The following TAF2 variants were observed in gnomAD, a reference collection of about 807,000 sequenced individuals.
TAF2 encodes the protein transcription initiation factor TFIID subunit 2.
Under a neutral mutation model 138.5 loss-of-function variants are expected in TAF2, and 61 were observed. That is an observed-to-expected ratio of 0.44 (90% CI 0.36 to 0.54). The LOEUF (loss-of-function observed/expected upper bound fraction) is 0.54, where lower values mean the gene tolerates loss of function less well. Among genes scored for constraint, TAF2 ranks in the 20% least tolerant of loss-of-function variants. TAF2 has a pLI of 0.00. For synonymous variants in TAF2, 475 were observed against 469.9 expected (o/e 1.01, Z -0.14); for missense variants, 1,090 against 1,427.9 (o/e 0.76, Z 3.81).
chr8:119,772,938 A>AAAT lies in TAF2; in HGVS notation c.2364+5078_2364+5080dup, dbSNP rs921233589. ...GTTAACAAGAGACAGACTCCATCTC[A>AAAT]AATAATAATAATAATAATAATAACA... On this transcript the variant is annotated intron_variant, in intron 18 of 25. Coordinates refer to ENST00000378164, the MANE Select transcript of TAF2 (RefSeq NM_003184.4). Among the ~76,000 whole-genome samples the AAAT allele has an allele frequency of 2.5e-3, 378 of 149,010 alleles. 4 individuals are homozygous for AAAT. The highest frequency in any genetic ancestry group is 3.8e-3 in the Non-Finnish European group (254 of 67,444).
chr8:119,828,168 G>A (rs190685712), intron 2 of TAF2, among the ~76,000 whole-genome samples: 31 of 152,086 alleles, frequency 2.0e-4, no homozygotes, highest in African/African-American at 4.8e-5. Flanking sequence ...GTTAGCCACC[G>A]TGCCCAGCCA....
At chr8:119,822,653 G>A (rs1825866410) in intron 2 of TAF2, among the ~76,000 whole-genome samples, 1 of 152,088 alleles carries the variant, frequency 6.6e-6, no homozygotes, top group African/African-American at 2.4e-5. Context: ...CTTCCATCCA[G>A]GAAGAATCAA....
At chr8:119,760,554 TA>T in intron 20 of TAF2, 44 bp downstream of exon 20, 1 of 1,602,010 alleles carries the variant, frequency 6.2e-7, no homozygotes, top group Non-Finnish European at 8.5e-7. Context: ...AAAAAGTAAA[TA>T]GTTCTTTCTA....
chr8:119,769,608 T>A lies in TAF2; in HGVS notation c.2365-7000A>T, dbSNP rs115168182. ...GAGATGAAAGACCAGATAGATGTATTTTTAGAAGAGCAACAAACAGAACTT... is the reference window on the plus strand; with the variant it reads ...GAGATGAAAGACCAGATAGATGTATATTTAGAAGAGCAACAAACAGAACTT... On this transcript the variant is annotated intron_variant, in intron 18 of 25. Coordinates refer to ENST00000378164, the MANE Select transcript of TAF2 (RefSeq NM_003184.4). Among the ~76,000 whole-genome samples the A allele has an allele frequency of 9.1e-3, 1,385 of 151,992 alleles. 20 individuals are homozygous for A. Among genetic ancestry groups the A allele is most frequent in the African/African-American group, 0.032 (1,321 of 41,418 alleles).
chr8:119,746,096 G>A (rs1194581340), intron 23 of TAF2, among the ~76,000 whole-genome samples: 1 of 152,120 alleles, frequency 6.6e-6, no homozygotes, highest in Non-Finnish European at 1.5e-5. Context: ...ATTCAGCTGG[G>A]TGTGGTGGCT....
intron 25 of TAF2, among the ~76,000 whole-genome samples, chr8:119,737,364 AT>A (rs1819288851): frequency 6.6e-6 from 1 of 152,128 alleles, no homozygotes; most frequent in South Asian, 2.1e-4. Context: ...CTTCAAAATA[AT>A]TCAGAAGGGT....
At chr8:119,827,659 A>G (rs558691276) in intron 2 of TAF2, among the ~76,000 whole-genome samples, 1 of 152,304 alleles carries the variant, frequency 6.6e-6, no homozygotes, top group East Asian at 1.9e-4. Flanking sequence ...CTCCTAGCCA[A>G]AACAGAACTG....
chr8:119,755,889 GA>G (rs889548459), intron 22 of TAF2, 116 bp downstream of exon 22: 11,529 of 624,170 alleles, frequency 0.018, no homozygotes, highest in Non-Finnish European at 0.02. Context: ...CTACTTAAAA[GA>G]AAAAAAAAAA....
At position 119,791,871 on chromosome 8, in the gene TAF2, T is replaced by C. The variant is rs747364308; in HGVS notation, c.1278-412A>G. On this transcript the variant is annotated intron_variant, in intron 10 of 25. Transcript: ENST00000378164. ...AAGAAATGAAGGAAAAAATTTCTCT[T>C]TATATTTTGGGATGGGAAAAATTTT... The C allele has an allele frequency of 7.8e-5, 12 of 153,296 alleles. 1 individual carries two copies. The highest frequency in any genetic ancestry group is 2.6e-4 in the Admixed American group (4 of 15,356). 9.5% of individuals were successfully genotyped at this position (153,296 alleles called of 1,614,324 possible). A position where few individuals can be genotyped will look rare whatever the true frequency, so the allele number is the denominator to read the frequency against.
At position 119,788,867 on chromosome 8, in the gene TAF2, C is replaced by A. The variant is rs796548442; in HGVS notation, c.1606G>T (p.Ala536Ser). The stretch of plus-strand genomic sequence containing the variant: ...AAGACATTTCGTTTTCTATTAAATG[C>A]AAAACTTCCATAAAATTTTACCACT... ...SGVVKFYGSF[A>S]FNRKRNVLEL... Residue 536 changes from alanine to serine, a missense_variant, in exon 13 of 26, where the codon GCA becomes TCA. Transcript: ENST00000378164. The A allele has an allele frequency of 6.2e-7, 1 of 1,613,644 alleles. No homozygotes were observed. Among genetic ancestry groups the A allele is most frequent in the Non-Finnish European group, 8.5e-7 (1 of 1,179,722 alleles).
intron 2 of TAF2, among the ~76,000 whole-genome samples, chr8:119,820,192 G>GT (rs1367522786): frequency 6.6e-6 from 1 of 152,076 alleles, no homozygotes; most frequent in Admixed American, 6.5e-5. Context: ...TTGAATCAAT[G>GT]GGAAAGACGA....
At position 119,777,999 on chromosome 8, in the gene TAF2, T is replaced by C. The variant is rs1244612791; in HGVS notation, c.2364+20A>G. ...TCTAAGACAACTGTTGTAGAAGATT[T>C]AAAAATAAAAGTACCTCACCTTATT... is the stretch of plus-strand genomic sequence containing the variant. On this transcript the variant is annotated intron_variant, in intron 18 of 25. Coordinates refer to ENST00000378164, the MANE Select transcript of TAF2 (RefSeq NM_003184.4). 4 of 1,315,742 alleles carry C rather than the reference T, an allele frequency of 3.0e-6. No homozygotes were observed. The highest frequency in any genetic ancestry group is 4.3e-6 in the Non-Finnish European group (4 of 922,076). The allele number at this position is 1,315,742 out of a possible 1,614,324, so 81.5% of individuals were successfully genotyped here. A position where few individuals can be genotyped will look rare whatever the true frequency, so the allele number is the denominator to read the frequency against.
Position 119,731,849 on chromosome 8 carries a change from A to C in TAF2, c.*75T>G. 1 of 1,455,662 alleles carries C rather than the reference A, an allele frequency of 6.9e-7. No individual in the cohort carries two copies. The highest frequency in any genetic ancestry group is 9.6e-7 in the Non-Finnish European group (1 of 1,038,110). 90.2% of individuals were successfully genotyped at this position (1,455,662 alleles called of 1,614,324 possible). A position where few individuals can be genotyped will look rare whatever the true frequency, so the allele number is the denominator to read the frequency against. Reference sequence around the variant, plus strand: ...AATCCTTTCCCCCCTCCCTTTTATAATTCTTCACAGAGGACAAAGCTTTAG... The same window carrying C: ...AATCCTTTCCCCCCTCCCTTTTATACTTCTTCACAGAGGACAAAGCTTTAG... On this transcript the variant is annotated 3_prime_UTR_variant, in exon 26 of 26. Transcript: ENST00000378164.
intron 23 of TAF2, among the ~76,000 whole-genome samples, chr8:119,745,876 C>T (rs1356772734): frequency 1.3e-5 from 2 of 151,542 alleles, no homozygotes; most frequent in African/African-American, 4.9e-5. Flanking sequence ...ACAGTCTCCT[C>T]CCAAATCAGC....
At position 119,793,404 on chromosome 8, in the gene TAF2, T is replaced by A. The variant is rs150958849; in HGVS notation, c.1239A>T (p.Leu413Phe). ...VAYELKTGGV[L>F]LHPIFGGGKE... is the part of the protein sequence containing the mutation. The stretch of plus-strand genomic sequence containing the variant: ...TTCCTCCACCAAATATGGGATGTAG[T>A]AAAACCCCACCAGTTTTTAGTTCAT... The change falls in exon 10 of 26, where the codon TTA (leucine) becomes TTT (phenylalanine). Residue 413 changes from leucine to phenylalanine, a missense_variant. Transcript: ENST00000378164. 7.4e-6 allele frequency: 12 copies of A among 1,613,064 alleles called. No individual in the cohort carries two copies. The highest frequency in any genetic ancestry group is 1.0e-5 in the Non-Finnish European group (12 of 1,179,452).
intron 25 of TAF2, among the ~76,000 whole-genome samples, chr8:119,738,778 T>A (rs1356965995): frequency 6.6e-6 from 1 of 152,178 alleles, no homozygotes; most frequent in Non-Finnish European, 1.5e-5. Context: ...AAACTGTGAA[T>A]AACCTGCTAA....
At chr8:119,810,625 T>C (rs764582924) in intron 3 of TAF2, among the ~76,000 whole-genome samples, 1 of 152,238 alleles carries the variant, frequency 6.6e-6, no homozygotes, top group Non-Finnish European at 1.5e-5. Context: ...AAAGTGCCAG[T>C]TGCTCCAAAT....
intron 25 of TAF2, among the ~76,000 whole-genome samples, chr8:119,733,112 TG>T (rs1178006890): frequency 6.6e-6 from 1 of 152,170 alleles, no homozygotes; most frequent in Non-Finnish European, 1.5e-5. Flanking sequence ...GGAGGGATCT[TG>T]GAACTAATCC....
At chr8:119,779,483 T>C (rs143865649) in intron 17 of TAF2, among the ~76,000 whole-genome samples, 1,704 of 152,280 alleles carry the variant, frequency 0.011, 41 homozygotes, top group South Asian at 0.11. Context: ...ATGAGACAGA[T>C]ATATCAGGTG....
Sources: allele counts gnomAD v4.1 joint callset (sites outside exome capture counted in the v4.1 genomes callset), GRCh38; gene constraint gnomAD v4.1.1; transcripts MANE v1.5; gene names NCBI Gene and HGNC (gene_info 2026-07-23, HGNC 2026-07-21).